The following WWP1 variants were observed in gnomAD, a reference collection of about 807,000 sequenced individuals.
WWP1 encodes the protein NEDD4-like E3 ubiquitin-protein ligase WWP1.
WWP1 carries 49 observed loss-of-function variants against 130.6 expected under a neutral mutation model. The observed-to-expected ratio is 0.38, with a 90% confidence interval of 0.30 to 0.48. The LOEUF is 0.48. WWP1 is among the 20% of genes least tolerant of loss of function. WWP1 has a pLI of 0.99. For synonymous variants in WWP1, 332 were observed against 367.8 expected, an observed-to-expected ratio of 0.90 and a Z score of 1.11; for missense variants, 809 against 1,100.6, an observed-to-expected ratio of 0.74 and a Z score of 3.75.
intron 20 of WWP1, among the ~76,000 whole-genome samples, chr8:86,450,924 A>G (rs1378423788): frequency 6.6e-6 from 1 of 152,026 alleles, no homozygotes; most frequent in Non-Finnish European, 1.5e-5. Flanking sequence ...ATGTCTTAAA[A>G]GATGCATGAG....
At chr8:86,447,966 T>G (rs1211877301) in intron 18 of WWP1, among the ~76,000 whole-genome samples, 182 bp from the exon 19 acceptor site, 1 of 152,208 alleles carries the variant, frequency 6.6e-6, no homozygotes, top group African/African-American at 2.4e-5. Context: ...TAAAATAGAT[T>G]GTTTTAACTT....
intron 14 of WWP1, among the ~76,000 whole-genome samples, chr8:86,432,676 C>T (rs953691796): frequency 2.6e-5 from 4 of 151,382 alleles, no homozygotes; most frequent in Admixed American, 2.6e-4. Context: ...GATGCGATGT[C>T]AGCTCACTGC....
intron 9 of WWP1, among the ~76,000 whole-genome samples, chr8:86,421,814 C>T (rs182109889): frequency 2.5e-4 from 38 of 151,574 alleles, no homozygotes; most frequent in South Asian, 1.9e-3. Flanking sequence ...CAGAGCGAGA[C>T]GCCATCTCAA....
intron 1 of WWP1, among the ~76,000 whole-genome samples, chr8:86,346,926 CTA>C (rs1282519135): frequency 2.0e-5 from 3 of 152,076 alleles, no homozygotes; most frequent in Non-Finnish European, 2.9e-5. Flanking sequence ...TAAATAATAA[CTA>C]TATTTATCAT....
intron 18 of WWP1, among the ~76,000 whole-genome samples, chr8:86,446,950 G>T (rs1232204876): frequency 6.6e-6 from 1 of 152,166 alleles, no homozygotes; most frequent in African/African-American, 2.4e-5. Context: ...GGTTGCTTCT[G>T]TTTCCTCTGT....
chr8:86,444,849 A>G (rs1810774286), intron 18 of WWP1, among the ~76,000 whole-genome samples: 1 of 152,146 alleles, frequency 6.6e-6, no homozygotes, highest in South Asian at 2.1e-4. Flanking sequence ...GGAGAATAAA[A>G]CATTTGTATT....
At chr8:86,367,308 A>G (rs1824027861) in intron 1 of WWP1, among the ~76,000 whole-genome samples, 1 of 152,230 alleles carries the variant, frequency 6.6e-6, no homozygotes, top group African/African-American at 2.4e-5. Flanking sequence ...TAGATATGTG[A>G]CAGCATTTAT....
rs1031123469 is a variant in WWP1 at position 86,431,467 on chromosome 8, G to C, written c.1449G>C (p.Gln483His). ...YFVNHNTKTTQWEDPRTQGLQ... is the reference protein window; with the variant it reads ...YFVNHNTKTTHWEDPRTQGLQ... ...TGAATCATAACACAAAAACAACCCA[G>C]TGGGAAGATCCAAGAACTCAAGGGT... The change falls in exon 13 of 25, where the codon CAG becomes CAC. Residue 483 changes from glutamine to histidine, a missense_variant. Transcript: ENST00000517970. 6.2e-7 allele frequency: 1 copy of C among 1,611,722 alleles called. No homozygotes were observed.
chr8:86,433,456 A>C (rs918096766), intron 14 of WWP1, among the ~76,000 whole-genome samples: 33 of 151,896 alleles, frequency 2.2e-4, no homozygotes, highest in African/African-American at 8.0e-4. Flanking sequence ...GCACACACCT[A>C]TAATCCCAGC....
At chr8:86,353,223 C>T (rs531719571) in intron 1 of WWP1, among the ~76,000 whole-genome samples, 169 of 147,790 alleles carry the variant, frequency 1.1e-3, no homozygotes, top group African/African-American at 3.9e-3. Context: ...TCAAGCTAAT[C>T]TCTAACTGTT....
intron 8 of WWP1, among the ~76,000 whole-genome samples, chr8:86,403,552 C>A (rs1808117239): frequency 6.6e-6 from 1 of 152,108 alleles, no homozygotes; most frequent in Non-Finnish European, 1.5e-5. Flanking sequence ...GTCTCAGCCT[C>A]CCAAAGTGCT....
chr8:86,398,287 T>C (rs968057869), intron 5 of WWP1, 55 bp from the exon 6 acceptor site: 2 of 1,523,134 alleles, frequency 1.3e-6, no homozygotes, highest in African/African-American at 2.8e-5. Flanking sequence ...GTTTGATTTC[T>C]GAAGCATTTT....
At chr8:86,421,504 TG>T (rs113700152) in intron 9 of WWP1, among the ~76,000 whole-genome samples, 14 of 151,510 alleles carry the variant, frequency 9.2e-5, no homozygotes, top group Non-Finnish European at 1.5e-5. Context: ...GGTTCTTTTT[TG>T]GGGGGGTTCT....
rs187213316 is a variant in WWP1, at chr8:86,468,486, C to A, written c.*1593C>A. ...GGTTATGTGATAGAGGGAAACTGGCCTTCAAAAAGGACTGCGTATACCATA... is the reference window on the plus strand; with the variant it reads ...GGTTATGTGATAGAGGGAAACTGGCATTCAAAAAGGACTGCGTATACCATA... On this transcript the variant is annotated 3_prime_UTR_variant, in exon 25 of 25. Transcript: ENST00000517970. The A allele has an allele frequency of 7.1e-6, 3 of 420,668 alleles. No homozygotes were observed. Among genetic ancestry groups the A allele is most frequent in the African/African-American group, 4.2e-5 (2 of 47,986 alleles). The allele number at this position is 420,668 out of a possible 1,614,324, so 26.1% of individuals were successfully genotyped here. A position where few individuals can be genotyped will look rare whatever the true frequency, so the allele number is the denominator to read the frequency against.
At chr8:86,442,545 A>G in intron 17 of WWP1, 74 bp from the exon 18 acceptor site, 6 of 1,360,810 alleles carry the variant, frequency 4.4e-6, no homozygotes, top group Non-Finnish European at 5.9e-6. Context: ...TGATGTATAT[A>G]TGAATATATT....
At chr8:86,435,760 C>G in intron 16 of WWP1, 56 bp downstream of exon 16, 1 of 1,545,558 alleles carries the variant, frequency 6.5e-7, no homozygotes. Flanking sequence ...TTCTGTGCAT[C>G]TAAAGAAAGT....
intron 22 of WWP1, 59 bp downstream of exon 22, chr8:86,458,084 G>T: frequency 7.1e-7 from 1 of 1,408,836 alleles, no homozygotes; most frequent in Non-Finnish European, 9.9e-7. Flanking sequence ...ATGAAATGGT[G>T]GTTTTAAAAA....
intron 5 of WWP1, among the ~76,000 whole-genome samples, chr8:86,387,861 C>T (rs539813134): frequency 2.6e-5 from 4 of 152,168 alleles, no homozygotes; most frequent in Non-Finnish European, 5.9e-5. Context: ...CTTCCATCTT[C>T]ATAATGAAAA....
intron 21 of WWP1, among the ~76,000 whole-genome samples, chr8:86,456,930 TGTG>T (rs1157038610): frequency 6.6e-6 from 1 of 151,920 alleles, no homozygotes; most frequent in Non-Finnish European, 1.5e-5. Context: ...AAATATAATC[TGTG>T]GTGAAATCAT....
Sources: allele counts gnomAD v4.1 joint callset (sites outside exome capture counted in the v4.1 genomes callset), GRCh38; gene constraint gnomAD v4.1.1; transcripts MANE v1.5; gene names NCBI Gene and HGNC (gene_info 2026-07-23, HGNC 2026-07-21).